SRGAP2C: variants seen among roughly 807,000 people sequenced by gnomAD.
The protein encoded by SRGAP2C is SLIT-ROBO Rho GTPase-activating protein 2C.
Under a neutral mutation model 25.1 loss-of-function variants are expected in SRGAP2C, and 15 were observed. The ratio of observed to expected loss-of-function variants is 0.60; its 90% CI spans 0.40 to 0.92. SRGAP2C has a LOEUF of 0.92. Among genes scored for constraint, SRGAP2C ranks in the 40% least tolerant of loss-of-function variants. The pLI, the probability that SRGAP2C is intolerant of heterozygous loss-of-function variation, is 0.00. For synonymous variants in SRGAP2C, 44 were observed against 96.6 expected, an observed-to-expected ratio of 0.46 and a Z score of 3.19; for missense variants, 144 against 264.4, an observed-to-expected ratio of 0.54 and a Z score of 3.16.
intron 2 of SRGAP2C, among the ~76,000 whole-genome samples, chr1:121,233,185 C>A (rs1176331868): frequency 1.7e-5 from 2 of 120,912 alleles, no homozygotes; most frequent in African/African-American, 6.2e-5. Flanking sequence ...CTTGCTCTGT[C>A]GCCCAGTCTG....
At chr1:121,295,947 G>T (rs1438075251) in intron 3 of SRGAP2C, among the ~76,000 whole-genome samples, 1 of 152,012 alleles carries the variant, frequency 6.6e-6, no homozygotes, top group Non-Finnish European at 1.5e-5. Context: ...TTTTAGTAGA[G>T]ACAGGGCTTC....
intron 6 of SRGAP2C, among the ~76,000 whole-genome samples, 157 bp from the exon 7 acceptor site, chr1:121,374,669 G>T (rs1438986070): frequency 6.6e-6 from 1 of 152,066 alleles, no homozygotes; most frequent in Non-Finnish European, 1.5e-5. Context: ...TTGTGCCCTT[G>T]AATCTCATTA....
intron 2 of SRGAP2C, among the ~76,000 whole-genome samples, chr1:121,222,066 G>A (rs1570716170): frequency 6.6e-6 from 1 of 151,698 alleles, no homozygotes. Flanking sequence ...CAAAACCTCT[G>A]GCCTTAGAGG....
At chr1:121,270,837 G>A (rs1656931730) in intron 2 of SRGAP2C, among the ~76,000 whole-genome samples, 1 of 148,232 alleles carries the variant, frequency 6.7e-6, no homozygotes, top group Non-Finnish European at 1.5e-5. Context: ...CTGTCGCCCA[G>A]GCTGGAGTGC....
intron 3 of SRGAP2C, chr1:121,314,855 C>T (rs1658059084): frequency 3.8e-6 from 2 of 531,888 alleles, no homozygotes; most frequent in East Asian, 1.1e-4. Context: ...CAGAAATCAC[C>T]CGTCTTCTGT....
At chr1:121,357,209 G>A (rs1553347791) in intron 4 of SRGAP2C, among the ~76,000 whole-genome samples, 24 of 140,918 alleles carry the variant, frequency 1.7e-4, no homozygotes, top group East Asian at 4.3e-4. Context: ...TGGAAAAGCC[G>A]TAAGGAAATG....
At chr1:121,365,887 T>A (rs1181943026) in intron 5 of SRGAP2C, among the ~76,000 whole-genome samples, 2 of 139,142 alleles carry the variant, frequency 1.4e-5, no homozygotes, top group Non-Finnish European at 3.1e-5. Flanking sequence ...TTCCTGGAGT[T>A]TTATAAAGCC....
At chr1:121,291,294 G>A (rs1262471801) in intron 3 of SRGAP2C, among the ~76,000 whole-genome samples, 1 of 145,078 alleles carries the variant, frequency 6.9e-6, no homozygotes, top group Non-Finnish European at 1.5e-5. Flanking sequence ...AAGTGGGGGT[G>A]TTGAGGGAAG....
rs1553352591 is a variant in SRGAP2C, at chr1:121,374,835, A to G, written c.712A>G (p.Lys238Glu). The G allele has an allele frequency of 2.6e-6, 2 of 771,526 alleles. No individual in the cohort carries two copies. Among genetic ancestry groups the G allele is most frequent in the Non-Finnish European group, 2.4e-6 (1 of 413,554 alleles). The allele number at this position is 771,526 out of a possible 1,614,324, so 47.8% of individuals were successfully genotyped here. The change falls in exon 7 of 10, where the codon AAG becomes GAG. Residue 238 changes from lysine (K) to glutamate (E), a missense_variant. By Grantham distance (56) the Lys-to-Glu change is moderately conservative (BLOSUM62 1). This residue lies in a region of SRGAP2C where 34 missense variants were observed against 23.0 expected (regional missense o/e 1.48). Coordinates refer to ENST00000367123, the MANE Select transcript of SRGAP2C (RefSeq NM_001329984.2). ...TCTGTTTCCTTTTCAGCACCAAGCC[A>G]AGTACACGGAGAATAAGCTGAAGGC... Reference protein sequence around the residue: ...IEKMKEKHQAKYTENKLKAIK... With the variant: ...IEKMKEKHQAEYTENKLKAIK...
At chr1:121,340,669 A>C (rs1439343221) in intron 4 of SRGAP2C, among the ~76,000 whole-genome samples, 1 of 151,224 alleles carries the variant, frequency 6.6e-6, no homozygotes, top group Non-Finnish European at 1.5e-5. Flanking sequence ...CAGATTCATG[A>C]AAAGTAAGTC....
intron 3 of SRGAP2C, among the ~76,000 whole-genome samples, chr1:121,307,012 G>A (rs1657856861): frequency 6.7e-6 from 1 of 149,302 alleles, no homozygotes; most frequent in Admixed American, 6.7e-5. Context: ...CACCCGGGCT[G>A]GAGTGTAATG....
At position 121,244,358 on chromosome 1, in the gene SRGAP2C, G is replaced by T. The variant is rs1190601286; in HGVS notation, c.68-40445G>T. ...TTCAGTGAACAGGGTTTTATCGTGG[G>T]TTTTTTTTTTTTTTTTGTCTTCTGA... is the stretch of plus-strand genomic sequence containing the variant. On this transcript the variant is annotated intron_variant, in intron 2 of 9. Transcript: ENST00000367123. 1.7e-3 allele frequency among the ~76,000 whole-genome samples: 178 copies of T among 103,324 alleles called. 2 individuals are homozygous for T. The highest frequency in any genetic ancestry group is 2.1e-3 in the Non-Finnish European group (107 of 50,742). The allele number at this position is 103,324 out of a possible 152,430, so 67.8% of individuals were successfully genotyped here. A position where few individuals can be genotyped will look rare whatever the true frequency, so the allele number is the denominator to read the frequency against.
chr1:121,304,955 C>T (rs1282041689), intron 3 of SRGAP2C, among the ~76,000 whole-genome samples: 1 of 152,170 alleles, frequency 6.6e-6, no homozygotes, highest in Admixed American at 6.5e-5. Flanking sequence ...GGCGCAGATT[C>T]AGGAGAAGTG....
chr1:121,188,440 C>T (rs1482044996), intron 2 of SRGAP2C, among the ~76,000 whole-genome samples: 1 of 149,514 alleles, frequency 6.7e-6, no homozygotes, highest in Admixed American at 6.7e-5. Flanking sequence ...TGTTAAAGAG[C>T]TGCAGCATGT....
intron 2 of SRGAP2C, among the ~76,000 whole-genome samples, chr1:121,212,167 G>C (rs1233814433): frequency 1.0e-5 from 1 of 95,886 alleles, no homozygotes; most frequent in Admixed American, 1.6e-4. Context: ...GTCTCGCTCT[G>C]TCGCCCAGGC....
At chr1:121,303,813 C>T (rs1657753942) in intron 3 of SRGAP2C, among the ~76,000 whole-genome samples, 1 of 152,066 alleles carries the variant, frequency 6.6e-6, no homozygotes, top group African/African-American at 2.4e-5. Context: ...TCTCCCCTTT[C>T]CTGTTCTCTG....
chr1:121,270,813 G>A lies in SRGAP2C; in HGVS notation c.68-13990G>A, dbSNP rs1287536725. ...AAGGAGGTTTTTTTTTTTTTTTTGAGACGGAGTCTCGCTCTGTCGCCCAGG... is the reference window on the plus strand; with the variant it reads ...AAGGAGGTTTTTTTTTTTTTTTTGAAACGGAGTCTCGCTCTGTCGCCCAGG... On this transcript the variant is annotated intron_variant, in intron 2 of 9. Transcript: ENST00000367123. Among the ~76,000 whole-genome samples, 3 of 141,270 alleles carry A rather than the reference G, an allele frequency of 2.1e-5. 1 individual carries two copies. Among genetic ancestry groups the A allele is most frequent in the Non-Finnish European group, 4.5e-5 (3 of 66,340 alleles). The allele number at this position is 141,270 out of a possible 152,430, so 92.7% of individuals were successfully genotyped here.
At chr1:121,249,573 TA>T (rs1656301779) in intron 2 of SRGAP2C, among the ~76,000 whole-genome samples, 18 of 19,090 alleles carry the variant, frequency 9.4e-4, no homozygotes, top group Non-Finnish European at 1.5e-3. Flanking sequence ...TATATATATA[TA>T]TATATATTTT....
intron 2 of SRGAP2C, among the ~76,000 whole-genome samples, chr1:121,250,662 A>C (rs1432973489): frequency 9.9e-5 from 3 of 30,420 alleles, no homozygotes; most frequent in Non-Finnish European, 1.9e-4. Context: ...ATGAATATGA[A>C]TTTTACAAAA....
Sources: allele counts gnomAD v4.1 joint callset (sites outside exome capture counted in the v4.1 genomes callset), GRCh38; gene constraint gnomAD v4.1.1; regional missense constraint gnomAD v4.1.1; transcripts MANE v1.5; gene names NCBI Gene and HGNC (gene_info 2026-07-23, HGNC 2026-07-21).